RARB: variants seen among roughly 807,000 people sequenced by gnomAD.
RARB encodes retinoic acid receptor beta.
Under a neutral mutation model 51.9 loss-of-function variants are expected in RARB, and 17 were observed. The ratio of observed to expected loss-of-function variants is 0.33; its 90% confidence interval spans 0.22 to 0.49. RARB has a LOEUF of 0.49. RARB is among the 20% of genes least tolerant of loss of function. The pLI is 0.99. For synonymous variants in RARB, 215 were observed against 195.4 expected, an observed-to-expected ratio of 1.10 and a Z score of -0.84; for missense variants, 369 against 550.8, an observed-to-expected ratio of 0.67 and a Z score of 3.30.
chr3:25,296,255 G>T (rs777086174), intron 5 of RARB, among the ~76,000 whole-genome samples: 17 of 152,126 alleles, frequency 1.1e-4, no homozygotes, highest in Non-Finnish European at 1.6e-4. Flanking sequence ...AATTCAAAGG[G>T]CAAGGCAGCC....
chr3:25,511,335 G>A (rs1018933323), intron 3 of RARB, among the ~76,000 whole-genome samples: 7 of 152,068 alleles, frequency 4.6e-5, no homozygotes, highest in Non-Finnish European at 7.4e-5. Context: ...GTTTCACCGT[G>A]TTAGCCAGGA....
At chr3:24,982,703 C>T (rs1696704018) in intron 2 of RARB, among the ~76,000 whole-genome samples, 1 of 152,216 alleles carries the variant, frequency 6.6e-6, no homozygotes, top group African/African-American at 2.4e-5. Flanking sequence ...CTCCCTCTGC[C>T]TAGCTCCAAC....
chr3:25,343,321 T>C (rs775997221), intron 5 of RARB, among the ~76,000 whole-genome samples: 1 of 152,136 alleles, frequency 6.6e-6, no homozygotes, highest in African/African-American at 2.4e-5. Flanking sequence ...GCCTATAGCA[T>C]ATTATCAGTC....
intron 2 of RARB, among the ~76,000 whole-genome samples, chr3:25,475,890 G>A (rs891892545): frequency 3.9e-5 from 6 of 152,168 alleles, no homozygotes; most frequent in African/African-American, 1.4e-4. Context: ...GCCAGGTTAT[G>A]CTGCAGGAAC....
chr3:24,970,979 G>C (rs1238550655), intron 2 of RARB, among the ~76,000 whole-genome samples: 1 of 151,820 alleles, frequency 6.6e-6, no homozygotes, highest in Non-Finnish European at 1.5e-5. Context: ...TGCTCACCCT[G>C]GTACTAGTTC....
chr3:24,838,926 G>GC (rs1702380376), intron 1 of RARB, among the ~76,000 whole-genome samples: 2 of 94,778 alleles, frequency 2.1e-5, no homozygotes, highest in East Asian at 5.4e-4. Context: ...AAAATCTCCA[G>GC]GTTTTTTTTT....
chr3:25,453,104 A>T (rs1293469301), intron 1 of RARB, among the ~76,000 whole-genome samples: 2 of 152,166 alleles, frequency 1.3e-5, no homozygotes, highest in East Asian at 3.8e-4. Context: ...GCAAAATGGG[A>T]TTACAGGAAG....
rs74278573 is a variant in RARB at position 25,238,156 on chromosome 3, C to T, written c.178+63581C>T. 7.0e-3 allele frequency among the ~76,000 whole-genome samples: 1,071 copies of T among 151,978 alleles called. 8 individuals are homozygous for T. The highest frequency in any genetic ancestry group is 0.024 in the African/African-American group (979 of 41,468). On this transcript the variant is annotated intron_variant, in intron 5 of 11. Transcript: ENST00000383772. ...CCTGTCTTCATCCTCCAGCGCCCCCCCACACATCCTTCCCAGTCTCTGGTA... is the reference window on the plus strand; with the variant it reads ...CCTGTCTTCATCCTCCAGCGCCCCCTCACACATCCTTCCCAGTCTCTGGTA...
chr3:24,871,240 T>A (rs1278007502), intron 2 of RARB, among the ~76,000 whole-genome samples: 3 of 152,170 alleles, frequency 2.0e-5, no homozygotes, highest in Admixed American at 6.5e-5. Context: ...TATTCCTAAT[T>A]TTCAGAGAAT....
intron 4 of RARB, among the ~76,000 whole-genome samples, chr3:25,135,339 A>G (rs995435451): frequency 6.6e-6 from 1 of 152,000 alleles, no homozygotes; most frequent in Admixed American, 6.6e-5. Context: ...ATCGGATGAC[A>G]CAATTCTAAA....
intron 5 of RARB, among the ~76,000 whole-genome samples, chr3:25,315,675 G>T (rs551917171): frequency 1.3e-5 from 2 of 152,186 alleles, no homozygotes; most frequent in East Asian, 1.9e-4. Flanking sequence ...GTACAGTGCC[G>T]CAGTCTCAGC....
chr3:25,444,194 G>A (rs1340907511), intron 1 of RARB, among the ~76,000 whole-genome samples: 2 of 152,158 alleles, frequency 1.3e-5, no homozygotes, highest in East Asian at 3.9e-4. Context: ...CAGATTCCTA[G>A]GCACTGAGAG....
chr3:24,836,435 A>C (rs1406762051), intron 1 of RARB, among the ~76,000 whole-genome samples: 1 of 152,218 alleles, frequency 6.6e-6, no homozygotes, highest in Non-Finnish European at 1.5e-5. Flanking sequence ...AAAACATGAG[A>C]GTATTCCAAC....
intron 5 of RARB, among the ~76,000 whole-genome samples, chr3:25,287,888 G>T (rs983283566): frequency 6.6e-6 from 1 of 151,900 alleles, no homozygotes; most frequent in African/African-American, 2.4e-5. Context: ...AAAGTAGATC[G>T]ACTGTGATCT....
chr3:25,093,762 G>A (rs1380366162), intron 3 of RARB, among the ~76,000 whole-genome samples: 2 of 151,864 alleles, frequency 1.3e-5, no homozygotes, highest in Non-Finnish European at 2.9e-5. Flanking sequence ...GACCACTCCT[G>A]TGGCCCAGCC....
At chr3:24,846,102 G>A (rs542341086) in intron 1 of RARB, among the ~76,000 whole-genome samples, 2 of 152,244 alleles carry the variant, frequency 1.3e-5, no homozygotes, top group East Asian at 1.9e-4. Flanking sequence ...ATTTTTTAAG[G>A]TAGAGCTTTC....
intron 2 of RARB, among the ~76,000 whole-genome samples, chr3:24,874,911 C>G (rs1703012829): frequency 6.6e-6 from 1 of 152,000 alleles, no homozygotes; most frequent in South Asian, 2.1e-4. Flanking sequence ...AAGTTATACG[C>G]TCATTTCCCT....
At chr3:25,054,948 GAAAAT>G (rs1480860170) in intron 2 of RARB, among the ~76,000 whole-genome samples, 1 of 152,118 alleles carries the variant, frequency 6.6e-6, no homozygotes, top group Non-Finnish European at 1.5e-5. Context: ...AATTAATACT[GAAAAT>G]AAAATAATTG....
chr3:25,078,996 T>G (rs1396723366), intron 3 of RARB, among the ~76,000 whole-genome samples: 2 of 152,154 alleles, frequency 1.3e-5, no homozygotes, highest in Non-Finnish European at 2.9e-5. Flanking sequence ...GACAACTTAA[T>G]AATATTGAGT....
Sources: gnomAD v4.1 joint callset for allele counts (sites outside exome capture counted in the v4.1 genomes callset) on GRCh38, gnomAD v4.1.1 for gene constraint, MANE v1.5 for transcripts, NCBI Gene and HGNC (gene_info 2026-07-23, HGNC 2026-07-21) for gene names.